UBE3C: variants seen among roughly 807,000 people sequenced by gnomAD.
UBE3C encodes the protein ubiquitin protein ligase E3C.
UBE3C carries 42 observed loss-of-function variants against 129.4 expected under a neutral mutation model. The ratio of observed to expected loss-of-function variants is 0.32; its 90% CI spans 0.25 to 0.42. The LOEUF is 0.42. Among genes scored for constraint, UBE3C ranks in the 10% least tolerant of loss-of-function variants. The pLI, the probability that UBE3C is intolerant of heterozygous loss-of-function variation, is 1.00. For synonymous variants in UBE3C, 510 were observed against 492.4 expected (o/e 1.04, Z -0.47); for missense variants, 1,049 against 1,319.1 (o/e 0.80, Z 3.17).
rs1360290993 is a variant in UBE3C, at chr7:157,186,858, T to C, written c.1168T>C (p.Tyr390His). 1.9e-6 allele frequency: 3 copies of C among 1,614,094 alleles called. No homozygotes were observed. The highest frequency in any genetic ancestry group is 4.5e-5 in the East Asian group (2 of 44,900). ...GGAGGATGGCAGACTGTCAGTATCATACATAACAGAGGAATGCCTGAAGAA... is the reference window on the plus strand; with the variant it reads ...GGAGGATGGCAGACTGTCAGTATCACACATAACAGAGGAATGCCTGAAGAA... ...SPEDGRLSVS[Y>H]ITEECLKKLD... Residue 390 changes from tyrosine (Y) to histidine (H), a missense_variant, in exon 10 of 23, where the codon TAC (tyrosine) becomes CAC (histidine). Tyr to His is a moderately conservative substitution (Grantham distance 83). Coordinates refer to ENST00000348165, the MANE Select transcript of UBE3C (RefSeq NM_014671.3).
At chr7:157,169,590 G>A (rs757501128) in intron 3 of UBE3C, among the ~76,000 whole-genome samples, 1 of 152,056 alleles carries the variant, frequency 6.6e-6, no homozygotes, top group Non-Finnish European at 1.5e-5. Context: ...TGACCAGGCT[G>A]GTCTGGAACT....
chr7:157,196,866 G>A (rs758135401), intron 10 of UBE3C, among the ~76,000 whole-genome samples: 2 of 152,198 alleles, frequency 1.3e-5, no homozygotes, highest in Non-Finnish European at 2.9e-5. Context: ...CTACTCGGGA[G>A]GCTGAGGCAG....
chr7:157,249,461 C>T (rs892009441), intron 19 of UBE3C, among the ~76,000 whole-genome samples: 1 of 152,070 alleles, frequency 6.6e-6, no homozygotes, highest in African/African-American at 2.4e-5. Context: ...GATTACAATG[C>T]GCCACCACGC....
chr7:157,198,245 A>T, intron 10 of UBE3C: 1 of 1,291,954 alleles, frequency 7.7e-7, no homozygotes, highest in Non-Finnish European at 1.1e-6. Flanking sequence ...TGTATCCTCC[A>T]CCTGTAAATG....
chr7:157,175,955 T>C (rs1001594769), intron 5 of UBE3C, among the ~76,000 whole-genome samples: 1 of 152,170 alleles, frequency 6.6e-6, no homozygotes, highest in Non-Finnish European at 1.5e-5. Flanking sequence ...TTCTTGCCTT[T>C]TGCTTACAAC....
At chr7:157,156,644 T>A (rs1807915734) in intron 1 of UBE3C, among the ~76,000 whole-genome samples, 1 of 151,610 alleles carries the variant, frequency 6.6e-6, no homozygotes, top group African/African-American at 2.4e-5. Flanking sequence ...TATTTTGGGA[T>A]TTTTACACAT....
At chr7:157,235,399 A>C (rs1796129283) in intron 18 of UBE3C, among the ~76,000 whole-genome samples, 1 of 152,218 alleles carries the variant, frequency 6.6e-6, no homozygotes, top group African/African-American at 2.4e-5. Flanking sequence ...GCATGAATTA[A>C]ATCTTAAGAT....
intron 19 of UBE3C, among the ~76,000 whole-genome samples, chr7:157,251,767 T>C (rs896523112): frequency 6.6e-6 from 1 of 152,214 alleles, no homozygotes; most frequent in Non-Finnish European, 1.5e-5. Flanking sequence ...TGTGACATGA[T>C]TTTTAAGTAC....
chr7:157,213,035 G>T (rs1338487724), intron 13 of UBE3C, among the ~76,000 whole-genome samples: 1 of 152,190 alleles, frequency 6.6e-6, no homozygotes, highest in Non-Finnish European at 1.5e-5. Flanking sequence ...TAGGATTACA[G>T]GTGTGAGCCA....
intron 17 of UBE3C, among the ~76,000 whole-genome samples, chr7:157,228,688 G>C (rs975261046): frequency 2.6e-5 from 4 of 152,180 alleles, no homozygotes; most frequent in Admixed American, 2.0e-4. Flanking sequence ...GGCACGGCAG[G>C]GCAGCACTGC....
At chr7:157,182,537 T>C (rs1411152695) in intron 8 of UBE3C, among the ~76,000 whole-genome samples, 5 of 152,194 alleles carry the variant, frequency 3.3e-5, no homozygotes, top group Non-Finnish European at 7.3e-5. Flanking sequence ...ATGTGTCTTA[T>C]GAGGCCACAC....
chr7:157,229,528 G>A (rs1488663061), intron 17 of UBE3C, among the ~76,000 whole-genome samples: 1 of 152,182 alleles, frequency 6.6e-6, no homozygotes, highest in Non-Finnish European at 1.5e-5. Flanking sequence ...TGTTAGTCAG[G>A]CTGGTCTCAA....
intron 6 of UBE3C, among the ~76,000 whole-genome samples, chr7:157,180,804 G>T (rs1808647193): frequency 6.6e-6 from 1 of 152,186 alleles, no homozygotes; most frequent in Non-Finnish European, 1.5e-5. Context: ...CCTTTAAACA[G>T]TTAACTTCTT....
chr7:157,219,416 C>T (rs980239934), intron 14 of UBE3C, among the ~76,000 whole-genome samples: 2 of 152,262 alleles, frequency 1.3e-5, no homozygotes, highest in South Asian at 2.1e-4. Flanking sequence ...TCTCAGTGAT[C>T]GAGCATCCCA....
At chr7:157,177,583 C>T (rs1808553085) in intron 5 of UBE3C, among the ~76,000 whole-genome samples, 1 of 152,226 alleles carries the variant, frequency 6.6e-6, no homozygotes, top group African/African-American at 2.4e-5. Context: ...TTATGTGTAG[C>T]CCCGCTCCTC....
chr7:157,216,115 G>A (rs1795559734), intron 13 of UBE3C, among the ~76,000 whole-genome samples: 1 of 152,220 alleles, frequency 6.6e-6, no homozygotes, highest in African/African-American at 2.4e-5. Flanking sequence ...TTTTTCTGGA[G>A]TTAAGATCAC....
intron 10 of UBE3C, among the ~76,000 whole-genome samples, chr7:157,190,548 AC>A (rs144183418): frequency 0.033 from 5,074 of 152,118 alleles, 132 homozygotes; most frequent in Middle Eastern, 0.099. Context: ...ATTAGAACAC[AC>A]CCACCCTCAC....
chr7:157,175,629 C>G (rs1002389), intron 5 of UBE3C, among the ~76,000 whole-genome samples: 72,847 of 151,996 alleles, frequency 0.48, 20,219 homozygotes, highest in African/African-American at 0.78. Flanking sequence ...TATAATTTCA[C>G]TTAATTTTCT....
intron 10 of UBE3C, 76 bp from the exon 11 acceptor site, chr7:157,201,637 CTTTTTTTT>C (rs10713758): frequency 1.1e-4 from 25 of 223,184 alleles, no homozygotes; most frequent in Middle Eastern, 1.4e-3. Flanking sequence ...CAGTGTATCG[CTTTTTTTT>C]TTTTTTTTTT....
Sources: gnomAD v4.1 joint callset for allele counts (sites outside exome capture counted in the v4.1 genomes callset) on GRCh38, gnomAD v4.1.1 for gene constraint, MANE v1.5 for transcripts, NCBI Gene and HGNC (gene_info 2026-07-23, HGNC 2026-07-21) for gene names.